EXOSC9: variants seen among roughly 807,000 people sequenced by gnomAD.
The protein encoded by EXOSC9 is exosome component 9, also known as exosome complex component RRP45.
Under a neutral mutation model 56.5 loss-of-function variants are expected in EXOSC9, and 38 were observed. The ratio of observed to expected loss-of-function variants is 0.67; its 90% CI spans 0.52 to 0.88. The LOEUF is 0.88. Ranked by LOEUF, EXOSC9 falls within the 40% of genes least tolerant of loss-of-function variation. The pLI is 0.00. For missense variants in EXOSC9, 559 were observed against 530.5 expected (o/e 1.05, Z -0.53); for synonymous variants, 170 against 170.8 (o/e 0.99, Z 0.04).
At chr4:121,813,404 C>T (rs1479848128) in intron 9 of EXOSC9, 24 bp downstream of exon 9, 7 of 1,601,348 alleles carry the variant, frequency 4.4e-6, no homozygotes, top group Non-Finnish European at 5.1e-6. Context: ...GTGGTTTTTG[C>T]AGTAACAAGA....
At chr4:121,813,699 C>A (rs149466972) in intron 9 of EXOSC9, 167 bp from the exon 10 acceptor site, 272 of 529,794 alleles carry the variant, frequency 5.1e-4, no homozygotes, top group African/African-American at 4.8e-3. Flanking sequence ...AGTTTTTTTT[C>A]TTCTTCATTG....
At chr4:121,805,796 C>CTT (rs765272603) in intron 5 of EXOSC9, among the ~76,000 whole-genome samples, 3 of 67,944 alleles carry the variant, frequency 4.4e-5, no homozygotes, top group African/African-American at 7.0e-5. Context: ...AGAAAATATT[C>CTT]TTTTTTTTTT....
chr4:121,816,260 C>T, intron 10 of EXOSC9, 109 bp from the exon 11 acceptor site: 1 of 694,894 alleles, frequency 1.4e-6, no homozygotes, highest in East Asian at 3.1e-5. Context: ...CGCCCAGCCC[C>T]AGAAATAAGA....
In EXOSC9 at chr4:121,802,553, A is replaced by G. The variant is rs987097990; in HGVS notation, c.162-121A>G. ...ACTTTACATATAATTTTTATCTCCTATGATTTATTTGGCTGAGTATGATAT... is the reference window on the plus strand; with the variant it reads ...ACTTTACATATAATTTTTATCTCCTGTGATTTATTTGGCTGAGTATGATAT... On this transcript the variant is annotated intron_variant, in intron 2 of 11. Transcript: ENST00000243498. 1.2e-5 allele frequency: 10 copies of G among 865,134 alleles called. 1 individual carries two copies. The highest frequency in any genetic ancestry group is 1.1e-4 in the South Asian group (6 of 56,054). The allele number at this position is 865,134 out of a possible 1,614,324, so 53.6% of individuals were successfully genotyped here.
At chr4:121,806,977 A>G (rs60240575) in intron 5 of EXOSC9, among the ~76,000 whole-genome samples, 19,572 of 152,182 alleles carry the variant, frequency 0.13, 3,442 homozygotes, top group African/African-American at 0.4. Context: ...CATTTACTAA[A>G]AATTGAATCA....
At chr4:121,815,997 T>G in intron 10 of EXOSC9, 6 of 1,228,554 alleles carry the variant, frequency 4.9e-6, no homozygotes, top group Non-Finnish European at 5.1e-6. Flanking sequence ...TGGGATGGAG[T>G]CTTGCTCTGT....
At chr4:121,806,039 A>G (rs1014463414) in intron 5 of EXOSC9, among the ~76,000 whole-genome samples, 3 of 152,140 alleles carry the variant, frequency 2.0e-5, no homozygotes, top group African/African-American at 7.2e-5. Flanking sequence ...TCCTGGGCTC[A>G]AGTGATCCTC....
chr4:121,802,609 G>A, intron 2 of EXOSC9, 65 bp from the exon 3 acceptor site: 1 of 1,526,014 alleles, frequency 6.6e-7, no homozygotes, highest in Non-Finnish European at 9.0e-7. Context: ...CTTGTTATCT[G>A]TTTCAGTTTT....
chr4:121,816,228 G>T (rs759875417), intron 10 of EXOSC9, 141 bp from the exon 11 acceptor site: 6 of 624,082 alleles, frequency 9.6e-6, no homozygotes, highest in South Asian at 4.6e-5. Context: ...CAAAATGTGG[G>T]TATTAAAAGT....
intron 5 of EXOSC9, among the ~76,000 whole-genome samples, chr4:121,805,861 A>G (rs1003635615): frequency 1.4e-5 from 2 of 145,874 alleles, no homozygotes; most frequent in African/African-American, 5.2e-5. Flanking sequence ...GCTGGGGTGC[A>G]GTGGCGTGAT....
rs1031186624 is a variant in EXOSC9, at chr4:121,807,523, A to G, written c.523-17A>G. 8.6e-6 allele frequency: 13 copies of G among 1,506,236 alleles called. No homozygotes were observed. Among genetic ancestry groups the G allele is most frequent in the Non-Finnish European group, 1.2e-5 (13 of 1,091,156 alleles). The allele number at this position is 1,506,236 out of a possible 1,614,324, so 93.3% of individuals were successfully genotyped here. ...AACTTAGTGACTATAATTATTAAAC[A>G]TTTTCTTTTGAAACAGTATACACCT... is the stretch of plus-strand genomic sequence containing the variant. On this transcript the variant is annotated splice_polypyrimidine_tract_variant and intron_variant, in intron 5 of 11. Coordinates refer to ENST00000243498, the MANE Select transcript of EXOSC9 (RefSeq NM_005033.3).
intron 4 of EXOSC9, among the ~76,000 whole-genome samples, chr4:121,803,851 T>G (rs952079791): frequency 3.3e-5 from 5 of 151,552 alleles, no homozygotes; most frequent in Non-Finnish European, 7.4e-5. Context: ...GATTCTTGAT[T>G]AGGGTATTTT....
intron 5 of EXOSC9, among the ~76,000 whole-genome samples, chr4:121,807,318 G>A (rs1181527305): frequency 6.6e-6 from 1 of 152,082 alleles, no homozygotes; most frequent in African/African-American, 2.4e-5. Flanking sequence ...TTTATGGGAT[G>A]TAAATTATGT....
intron 4 of EXOSC9, among the ~76,000 whole-genome samples, chr4:121,804,065 A>G (rs947001934): frequency 7.9e-5 from 12 of 152,090 alleles, no homozygotes; most frequent in African/African-American, 2.9e-4. Context: ...CAGTGGTGTC[A>G]TTATAGCTCA....
intron 10 of EXOSC9, 21 bp downstream of exon 10, chr4:121,814,068 C>CTT (rs1724379378): frequency 2.3e-6 from 3 of 1,278,582 alleles, no homozygotes. Flanking sequence ...CTTTATGGCA[C>CTT]ACTTACTATA....
intron 6 of EXOSC9, among the ~76,000 whole-genome samples, chr4:121,809,479 A>G (rs961205938): frequency 9.9e-5 from 15 of 152,182 alleles, no homozygotes; most frequent in African/African-American, 3.6e-4. Context: ...AATATTTTAC[A>G]TACTCTGATT....
At chr4:121,812,131 T>A (rs1460504491) in intron 8 of EXOSC9, among the ~76,000 whole-genome samples, 1 of 152,222 alleles carries the variant, frequency 6.6e-6, no homozygotes, top group African/African-American at 2.4e-5. Context: ...TCTTTCAAAG[T>A]GCTGGCATCA....
At chr4:121,805,809 C>T (rs202184148) in intron 5 of EXOSC9, among the ~76,000 whole-genome samples, 191 of 78,912 alleles carry the variant, frequency 2.4e-3, no homozygotes, top group Middle Eastern at 6.7e-3. Context: ...TTTTTTTTTT[C>T]TTTTTTTTTT....
chr4:121,812,665 AT>A (rs1194940039), intron 8 of EXOSC9, among the ~76,000 whole-genome samples: 3 of 151,912 alleles, frequency 2.0e-5, no homozygotes, highest in South Asian at 4.1e-4. Context: ...TAATTTTTAT[AT>A]TTTTAGTAGG....
Sources: gnomAD v4.1 joint callset for allele counts (sites outside exome capture counted in the v4.1 genomes callset) on GRCh38, gnomAD v4.1.1 for gene constraint, MANE v1.5 for transcripts, NCBI Gene and HGNC (gene_info 2026-07-23, HGNC 2026-07-21) for gene names.